ITGA2: variants seen among roughly 807,000 people sequenced by gnomAD.
ITGA2 encodes integrin alpha-2.
In ITGA2, 101 loss-of-function variants were observed where a neutral mutation model predicts 146.3. The ratio of observed to expected loss-of-function variants is 0.69; its 90% CI spans 0.59 to 0.81. The LOEUF is 0.81. ITGA2 is among the 40% of genes least tolerant of loss of function. The probability of loss-of-function intolerance (pLI) is 0.00; values close to 1 mark genes in which losing one functional copy is unlikely to be tolerated. For missense variants in ITGA2, 1,281 were observed against 1,402.7 expected (o/e 0.91, Z 1.39); for synonymous variants, 477 against 487.1 (o/e 0.98, Z 0.27).
chr5:53,002,479 A>G (rs1371656492), intron 1 of ITGA2, among the ~76,000 whole-genome samples: 3 of 152,214 alleles, frequency 2.0e-5, no homozygotes, highest in African/African-American at 4.8e-5. Flanking sequence ...TATACTCACT[A>G]TATGCAAATG....
At chr5:53,012,663 T>C (rs1742194408) in intron 1 of ITGA2, among the ~76,000 whole-genome samples, 1 of 152,218 alleles carries the variant, frequency 6.6e-6, no homozygotes, top group Admixed American at 6.5e-5. Flanking sequence ...TTAAGTTCTT[T>C]GAGAAGTCAC....
intron 2 of ITGA2, among the ~76,000 whole-genome samples, chr5:53,033,300 C>G (rs1249332939): frequency 6.6e-6 from 1 of 151,988 alleles, no homozygotes; most frequent in Admixed American, 6.6e-5. Context: ...CTACCTCTTC[C>G]TATCCCCTCA....
chr5:53,072,144 A>G, intron 18 of ITGA2, 96 bp downstream of exon 18: 2 of 863,068 alleles, frequency 2.3e-6, no homozygotes, highest in Non-Finnish European at 3.8e-6. Context: ...GCAGCCTGAA[A>G]ATTCTTAATT....
At chr5:53,036,044 T>TATTCATTCATTC (rs74507381) in intron 2 of ITGA2, among the ~76,000 whole-genome samples, 2,466 of 149,994 alleles carry the variant, frequency 0.016, 35 homozygotes, top group African/African-American at 0.036. Flanking sequence ...CTTTGACTCG[T>TATTCATTCATTC]ATTCATTCAT....
intron 2 of ITGA2, among the ~76,000 whole-genome samples, chr5:53,033,433 T>C (rs1034285166): frequency 2.6e-5 from 4 of 152,146 alleles, no homozygotes; most frequent in African/African-American, 7.2e-5. Context: ...TAATCATGTC[T>C]TTGTCTTTTA....
chr5:53,070,132 G>A lies in ITGA2; in HGVS notation c.2107G>A (p.Asp703Asn). 1 of 1,610,946 alleles carries A rather than the reference G, an allele frequency of 6.2e-7. No individual in the cohort carries two copies. The highest frequency in any genetic ancestry group is 1.1e-5 in the South Asian group (1 of 91,004). The change falls in exon 17 of 30, where the codon GAT (aspartate) becomes AAT (asparagine). Residue 703 changes from aspartate to asparagine, a missense_variant. By Grantham distance (23) the Asp-to-Asn change is conservative. This residue lies in a region of ITGA2 where 795 missense variants were observed against 841.7 expected (regional missense o/e 0.94). Coordinates refer to ENST00000296585, the MANE Select transcript of ITGA2 (RefSeq NM_002203.4). ...AGCCATTGTATATAACATCACACTT[G>A]ATGCAGATGGATTTTCATCCAGAGT... Reference protein sequence around the residue: ...QVAIVYNITLDADGFSSRVTS... With the variant: ...QVAIVYNITLNADGFSSRVTS...
rs144959107 is a variant in ITGA2 at position 53,057,668 on chromosome 5, A to C, written c.1097-357A>C. Among the ~76,000 whole-genome samples, 148 of 152,124 alleles carry C rather than the reference A, an allele frequency of 9.7e-4. 1 individual carries two copies. Among genetic ancestry groups the C allele is most frequent in the African/African-American group, 3.4e-3 (142 of 41,548 alleles). ...GTTAGTTTCTTAGCTAGTAATGATCAAGTTTTTAAAAAATTATCATCTCAG... is the reference window on the plus strand; with the variant it reads ...GTTAGTTTCTTAGCTAGTAATGATCCAGTTTTTAAAAAATTATCATCTCAG... On this transcript the variant is annotated intron_variant, in intron 9 of 29. Coordinates refer to ENST00000296585, the MANE Select transcript of ITGA2 (RefSeq NM_002203.4).
At chr5:53,069,057 G>T (rs950096671) in intron 16 of ITGA2, among the ~76,000 whole-genome samples, 2 of 151,766 alleles carry the variant, frequency 1.3e-5, no homozygotes, top group South Asian at 4.2e-4. Context: ...CAACATATAT[G>T]ATAGATTTTT....
intron 2 of ITGA2, among the ~76,000 whole-genome samples, chr5:53,039,610 C>T (rs556100116): frequency 7.3e-4 from 111 of 151,414 alleles, no homozygotes; most frequent in African/African-American, 1.8e-3. Context: ...TGTGGTGGCG[C>T]GGGCCTGTAG....
chr5:53,066,995 T>A, intron 15 of ITGA2, 123 bp from the exon 16 acceptor site: 2 of 926,042 alleles, frequency 2.2e-6, no homozygotes, highest in Non-Finnish European at 3.4e-6. Flanking sequence ...ACTGCTAAAG[T>A]GCTTTGATAG....
At chr5:53,039,331 C>T (rs1743661034) in intron 2 of ITGA2, among the ~76,000 whole-genome samples, 2 of 152,012 alleles carry the variant, frequency 1.3e-5, no homozygotes, top group South Asian at 2.1e-4. Flanking sequence ...CAGTTTGGTG[C>T]GTAGTAGATA....
At chr5:53,045,115 A>G (rs1363137108) in intron 4 of ITGA2, 23 bp downstream of exon 4, 7 of 1,542,906 alleles carry the variant, frequency 4.5e-6, no homozygotes, top group Middle Eastern at 1.7e-4. Flanking sequence ...TTTACAAATC[A>G]TTATTCCTCT....
rs1435054101 is a variant in ITGA2, at chr5:53,048,382, C to T, written c.407C>T (p.Ala136Val). ...TTGAAGACATGTGGTCCTCTGTGGG[C>T]ACAGCAATGTGGGAATCAGTATTAC... The part of the protein sequence containing the change: ...GGFLTCGPLW[A>V]QQCGNQYYTT... The change falls in exon 5 of 30, where the codon GCA (alanine) becomes GTA (valine). Residue 136 changes from alanine to valine, a missense_variant. Ala to Val is a moderately conservative substitution (Grantham distance 64). Coordinates refer to ENST00000296585, the MANE Select transcript of ITGA2 (RefSeq NM_002203.4). The T allele has an allele frequency of 1.9e-6, 3 of 1,613,864 alleles. No homozygotes were observed. Among genetic ancestry groups the T allele is most frequent in the African/African-American group, 1.3e-5 (1 of 74,910 alleles).
intron 27 of ITGA2, 117 bp downstream of exon 27, chr5:53,083,570 T>C: frequency 1.4e-6 from 1 of 736,032 alleles, no homozygotes; most frequent in Non-Finnish European, 2.5e-6. Flanking sequence ...AATGGCCAAA[T>C]AACCCAGAGC....
chr5:53,055,815 A>G (rs370105704), intron 8 of ITGA2, 127 bp downstream of exon 8: 13 of 1,288,254 alleles, frequency 1.0e-5, no homozygotes, highest in East Asian at 2.3e-5. Context: ...TTCTTACTCT[A>G]TCTCTGCTTC....
chr5:52,996,643 A>G (rs1741270939), intron 1 of ITGA2, among the ~76,000 whole-genome samples: 1 of 152,198 alleles, frequency 6.6e-6, no homozygotes, highest in South Asian at 2.1e-4. Context: ...TTTGGTTTCA[A>G]ACATCTTTTC....
chr5:53,075,230 A>G lies in ITGA2; in HGVS notation c.2751A>G (p.Gln917=). 6.2e-7 allele frequency: 1 copy of G among 1,612,592 alleles called. No homozygotes were observed. Among genetic ancestry groups the G allele is most frequent in the East Asian group, 2.2e-5 (1 of 44,736 alleles). The change falls in exon 23 of 30, where the codon CAA becomes CAG. Residue 917 remains glutamine, a synonymous_variant. Coordinates refer to ENST00000296585, the MANE Select transcript of ITGA2 (RefSeq NM_002203.4). ...ATGTTTCTTTCTATAGTGAAAGCCA[A>G]GAAGAAAACAAGGCTGATAATTTGG... is the stretch of plus-strand genomic sequence containing the variant. ...SLSFQALSES[Q]EENKADNLVN... is the part of the protein sequence containing the mutation.
chr5:53,013,956 A>G (rs922121026), intron 1 of ITGA2, among the ~76,000 whole-genome samples: 1 of 152,096 alleles, frequency 6.6e-6, no homozygotes, highest in Admixed American at 6.6e-5. Flanking sequence ...TCAATCTTGT[A>G]TCCTGAAACT....
intron 3 of ITGA2, 120 bp from the exon 4 acceptor site, chr5:53,044,881 T>C: frequency 6.9e-6 from 5 of 727,258 alleles, no homozygotes; most frequent in Admixed American, 2.0e-5. Flanking sequence ...CTCAAGTACC[T>C]ATATTGATGA....
Sources: allele counts gnomAD v4.1 joint callset (sites outside exome capture counted in the v4.1 genomes callset), GRCh38; gene constraint gnomAD v4.1.1; regional missense constraint gnomAD v4.1.1; transcripts MANE v1.5; gene names NCBI Gene and HGNC (gene_info 2026-07-23, HGNC 2026-07-21).